Variants in UST observed in about 807,000 individuals in gnomAD.
UST encodes the protein chondroitin sulfate 2-O-sulfotransferase.
A neutral mutation model predicts 45.6 loss-of-function variants in UST; 21 were observed. The ratio of observed to expected loss-of-function variants is 0.46; its 90% CI spans 0.33 to 0.66. The LOEUF is 0.66. Among genes scored for constraint, UST ranks in the 30% least tolerant of loss-of-function variants. The pLI is 0.02. For synonymous variants in UST, 215 were observed against 200.6 expected, an observed-to-expected ratio of 1.07 and a Z score of -0.61; for missense variants, 463 against 512.4, an observed-to-expected ratio of 0.90 and a Z score of 0.93.
intron 7 of UST, among the ~76,000 whole-genome samples, chr6:149,063,260 T>G (rs1336744000): frequency 3.3e-5 from 5 of 152,244 alleles, no homozygotes; most frequent in Non-Finnish European, 7.3e-5. Flanking sequence ...TTTGTTTTTT[T>G]ACTTTGTTTT....
intron 2 of UST, among the ~76,000 whole-genome samples, chr6:148,911,311 G>GTTC (rs1482682899): frequency 6.6e-6 from 1 of 152,156 alleles, no homozygotes; most frequent in Non-Finnish European, 1.5e-5. Flanking sequence ...CCAGCTCCTT[G>GTTC]TTCTGTAGGA....
intron 2 of UST, among the ~76,000 whole-genome samples, chr6:148,915,987 C>T (rs1007299126): frequency 7.1e-6 from 1 of 140,194 alleles, no homozygotes; most frequent in Non-Finnish European, 1.7e-5. Context: ...ATAGCTTCTC[C>T]AGCAACCAGA....
chr6:148,940,092 T>A (rs6917705), intron 2 of UST, among the ~76,000 whole-genome samples: 18,277 of 152,070 alleles, frequency 0.12, 1,198 homozygotes, highest in South Asian at 0.15. Flanking sequence ...AATAAGCACA[T>A]GAAAAAATGC....
At chr6:148,866,252 T>C (rs1169968635) in intron 1 of UST, among the ~76,000 whole-genome samples, 1 of 149,156 alleles carries the variant, frequency 6.7e-6, no homozygotes, top group African/African-American at 2.5e-5. Flanking sequence ...ACCTTATTTC[T>C]CTCGTTTATT....
chr6:148,836,068 G>C (rs1434123298), intron 1 of UST, among the ~76,000 whole-genome samples: 2 of 152,050 alleles, frequency 1.3e-5, no homozygotes, highest in Non-Finnish European at 2.9e-5. Context: ...TTCATTTTTT[G>C]TTTAATTTGA....
chr6:148,800,741 A>G (rs533465571), intron 1 of UST, among the ~76,000 whole-genome samples: 1 of 149,668 alleles, frequency 6.7e-6, no homozygotes, highest in Admixed American at 6.7e-5. Flanking sequence ...CTTTTTGATT[A>G]TAGCCAATGA....
chr6:148,800,289 A>G (rs1777032005), intron 1 of UST, among the ~76,000 whole-genome samples: 1 of 152,222 alleles, frequency 6.6e-6, no homozygotes, highest in African/African-American at 2.4e-5. Context: ...ACTGTTTGCA[A>G]ATTACCGAAC....
intron 1 of UST, among the ~76,000 whole-genome samples, chr6:148,799,499 G>A (rs2114714726): frequency 6.6e-6 from 1 of 152,184 alleles, no homozygotes; most frequent in African/African-American, 2.4e-5. Flanking sequence ...GCAACTGAGT[G>A]GTAAAACTCT....
chr6:149,039,052 A>G (rs958440735), intron 7 of UST, among the ~76,000 whole-genome samples: 1 of 152,148 alleles, frequency 6.6e-6, no homozygotes, highest in Non-Finnish European at 1.5e-5. Flanking sequence ...GGAAAATACC[A>G]AGAGAACTGC....
intron 1 of UST, among the ~76,000 whole-genome samples, chr6:148,785,645 T>G (rs980342971): frequency 2.6e-5 from 4 of 152,158 alleles, no homozygotes; most frequent in Non-Finnish European, 4.4e-5. Context: ...TAAAAAGAAT[T>G]ACAATAAAGT....
At chr6:148,990,083 G>A (rs981532839) in intron 5 of UST, among the ~76,000 whole-genome samples, 3 of 152,112 alleles carry the variant, frequency 2.0e-5, no homozygotes, top group African/African-American at 2.4e-5. Context: ...TTTGGAGTTC[G>A]GCATTACAGT....
chr6:148,948,810 G>T (rs1780297659), intron 3 of UST, among the ~76,000 whole-genome samples: 1 of 151,914 alleles, frequency 6.6e-6, no homozygotes, highest in Non-Finnish European at 1.5e-5. Context: ...CATTTTGAAA[G>T]GTTATGTATA....
intron 1 of UST, among the ~76,000 whole-genome samples, chr6:148,849,012 G>A (rs73778924): frequency 0.013 from 2,037 of 152,256 alleles, 41 homozygotes; most frequent in African/African-American, 0.045. Context: ...TCGTGTCCAA[G>A]GGCAGGAGCA....
At chr6:148,812,174 C>T (rs1695782521) in intron 1 of UST, among the ~76,000 whole-genome samples, 1 of 152,004 alleles carries the variant, frequency 6.6e-6, no homozygotes, top group Admixed American at 6.5e-5. Flanking sequence ...TGCATACATG[C>T]ATACTTTCTA....
At chr6:149,062,856 G>C (rs906253008) in intron 7 of UST, among the ~76,000 whole-genome samples, 2 of 152,246 alleles carry the variant, frequency 1.3e-5, no homozygotes, top group Admixed American at 1.3e-4. Flanking sequence ...AAGGTAGTGA[G>C]GGGCGATGTG....
At chr6:148,970,869 G>A (rs1156941226) in intron 5 of UST, among the ~76,000 whole-genome samples, 1 of 152,150 alleles carries the variant, frequency 6.6e-6, no homozygotes, top group Admixed American at 6.5e-5. Context: ...CCACTTTTAA[G>A]GACTTATGTC....
intron 1 of UST, among the ~76,000 whole-genome samples, chr6:148,858,074 TAGTC>T (rs1351966769): frequency 2.0e-5 from 3 of 152,186 alleles, no homozygotes; most frequent in Non-Finnish European, 4.4e-5. Flanking sequence ...CATTTTTTAT[TAGTC>T]AGTGTTCTGT....
At chr6:148,894,434 G>C (rs1319904248) in intron 2 of UST, among the ~76,000 whole-genome samples, 4 of 152,216 alleles carry the variant, frequency 2.6e-5, no homozygotes, top group Non-Finnish European at 5.9e-5. Context: ...GGAGAATGCA[G>C]TAGGGACAAT....
chr6:149,018,723 G>A (rs1323090102), intron 5 of UST, among the ~76,000 whole-genome samples: 1 of 152,150 alleles, frequency 6.6e-6, no homozygotes, highest in East Asian at 1.9e-4. Flanking sequence ...TTAGTTGTTG[G>A]ATGCATGGAT....
Sources: allele counts gnomAD v4.1 joint callset (sites outside exome capture counted in the v4.1 genomes callset), GRCh38; gene constraint gnomAD v4.1.1; transcripts MANE v1.5; gene names NCBI Gene and HGNC (gene_info 2026-07-23, HGNC 2026-07-21).